The following PYGB variants were observed in gnomAD, a reference collection of about 807,000 sequenced individuals.
PYGB encodes the protein glycogen phosphorylase, brain form.
PYGB carries 82 observed loss-of-function variants against 94.3 expected under a neutral mutation model. The observed-to-expected ratio is 0.87, with a 90% CI of 0.73 to 1.04. The LOEUF (loss-of-function observed/expected upper bound fraction) is 1.04, where lower values mean the gene tolerates loss of function less well. Ranked by LOEUF, PYGB falls within the 50% of genes least tolerant of loss-of-function variation. PYGB has a pLI of 0.00. For synonymous variants in PYGB, 488 were observed against 479.1 expected (o/e 1.02, Z -0.24); for missense variants, 1,132 against 1,158.2 (o/e 0.98, Z 0.33).
chr20:25,276,459 CAG>C (rs1175376995), intron 5 of PYGB, among the ~76,000 whole-genome samples, 185 bp from the exon 6 acceptor site: 3 of 151,678 alleles, frequency 2.0e-5, no homozygotes, highest in Non-Finnish European at 4.4e-5. Flanking sequence ...GTGGGCACCA[CAG>C]GGGAGGGCGT....
In PYGB at chr20:25,248,275, A is replaced by T; in HGVS notation, c.97A>T (p.Asn33Tyr). The change falls in exon 1 of 20, where the codon AAC (asparagine) becomes TAC (tyrosine). Residue 33 changes from asparagine (N) to tyrosine (Y), a missense_variant. By Grantham distance (143) the Asn-to-Tyr change is moderately radical. Coordinates refer to ENST00000216962, the MANE Select transcript of PYGB (RefSeq NM_002862.4). ...CGTGGCCGAGGTGCGGAAGAGCTTC[A>T]ACCGGCACTTGCACTTCACGCTGGT... ...GDVAEVRKSF[N>Y]RHLHFTLVKD... The T allele has an allele frequency of 6.2e-7, 1 of 1,602,862 alleles. No homozygotes were observed. Among genetic ancestry groups the T allele is most frequent in the Non-Finnish European group, 8.5e-7 (1 of 1,175,236 alleles).
chr20:25,281,478 T>G (rs1178776927), intron 11 of PYGB, among the ~76,000 whole-genome samples: 1 of 152,198 alleles, frequency 6.6e-6, no homozygotes, highest in Non-Finnish European at 1.5e-5. Context: ...GATTCTTAGG[T>G]CAGATCTTGT....
At chr20:25,252,896 T>C (rs2092892202) in intron 1 of PYGB, among the ~76,000 whole-genome samples, 1 of 150,682 alleles carries the variant, frequency 6.6e-6, no homozygotes, top group Non-Finnish European at 1.5e-5. Flanking sequence ...GGCCTGAAAC[T>C]TCCAACCCTC....
At chr20:25,267,013 A>G (rs2088224341) in intron 2 of PYGB, among the ~76,000 whole-genome samples, 1 of 152,230 alleles carries the variant, frequency 6.6e-6, no homozygotes. Flanking sequence ...ATGAAAACAT[A>G]TGTCTACATG....
rs764751963 is a variant in PYGB at position 25,279,047 on chromosome 20, C to T, written c.1000-10C>T. On this transcript the variant is annotated splice_polypyrimidine_tract_variant and intron_variant, in intron 8 of 19. Coordinates refer to ENST00000216962, the MANE Select transcript of PYGB (RefSeq NM_002862.4). ...AAATGACTGAATGGCACCCCTTGTG[C>T]GACCTTCAGGTGGCCATCCAGCTGA... The T allele has an allele frequency of 8.1e-6, 13 of 1,605,272 alleles. No homozygotes were observed. Among genetic ancestry groups the T allele is most frequent in the Admixed American group, 3.4e-5 (2 of 59,700 alleles).
At chr20:25,296,311 GTTTTTAGCAGCCC>G (rs1167695693) in intron 19 of PYGB, 46 bp from the exon 20 acceptor site, 1 of 1,596,806 alleles carries the variant, frequency 6.3e-7, no homozygotes, top group Non-Finnish European at 8.6e-7. Context: ...GGAATCCCAT[GTTTTTAGCAGCCC>G]CAAGCCCTGT....
intron 2 of PYGB, among the ~76,000 whole-genome samples, chr20:25,268,520 A>G (rs2088239323): frequency 6.6e-6 from 1 of 152,156 alleles, no homozygotes; most frequent in African/African-American, 2.4e-5. Flanking sequence ...ATATCAATAT[A>G]TGTAATTCAA....
chr20:25,274,790 T>C, intron 5 of PYGB, 67 bp downstream of exon 5: 1 of 1,563,398 alleles, frequency 6.4e-7, no homozygotes, highest in South Asian at 1.2e-5. Flanking sequence ...GGCTCATTTG[T>C]AGACAGCTCA....
chr20:25,281,362 T>C (rs940487989), intron 11 of PYGB, among the ~76,000 whole-genome samples: 17 of 152,170 alleles, frequency 1.1e-4, no homozygotes, highest in African/African-American at 4.1e-4. Context: ...GACGGCTTTG[T>C]CTCCTGTTGC....
At chr20:25,280,509 C>T (rs559201249) in intron 10 of PYGB, 97 bp downstream of exon 10, 18 of 1,464,460 alleles carry the variant, frequency 1.2e-5, no homozygotes, top group East Asian at 4.5e-5. Flanking sequence ...GCTCCTTGAA[C>T]GAGGCACCCT....
chr20:25,282,068 TC>T lies in PYGB; in HGVS notation c.1441del (p.Gln481ArgfsTer33). 1 of 1,613,958 alleles carries T rather than the reference TC, an allele frequency of 6.2e-7. No individual in the cohort carries two copies. The highest frequency in any genetic ancestry group is 8.5e-7 in the Non-Finnish European group (1 of 1,179,950). The stretch of plus-strand genomic sequence containing the variant: ...TTTTATGAACTGGAGCCAGAGAAGT[TC>T]CAGAATAAGACCAATGGCATCACCC... ...KDFYELEPEK[F>X]QNKTNGITPR... On this transcript the variant is annotated frameshift_variant, in exon 12 of 20. Coordinates refer to ENST00000216962, the MANE Select transcript of PYGB (RefSeq NM_002862.4). LOFTEE classifies it high-confidence loss of function.
chr20:25,287,526 G>A (rs1185430173), intron 14 of PYGB, among the ~76,000 whole-genome samples: 1 of 152,144 alleles, frequency 6.6e-6, no homozygotes, highest in Non-Finnish European at 1.5e-5. Flanking sequence ...GTCGGTGCCT[G>A]TAGTCGCATC....
intron 18 of PYGB, chr20:25,294,646 T>TG: frequency 1.8e-6 from 1 of 554,142 alleles, no homozygotes; most frequent in Non-Finnish European, 3.2e-6. Context: ...CAAAACTCCC[T>TG]GGGGTGGGGT....
intron 3 of PYGB, among the ~76,000 whole-genome samples, chr20:25,269,552 G>T (rs956447620): frequency 1.3e-5 from 2 of 152,112 alleles, no homozygotes; most frequent in Admixed American, 1.3e-4. Flanking sequence ...TCTGAACGTG[G>T]CCCTGCTTGC....
chr20:25,248,336 T>C lies in PYGB; in HGVS notation c.158T>C (p.Phe53Ser). The C allele has an allele frequency of 6.2e-7, 1 of 1,603,550 alleles. No individual in the cohort carries two copies. Among genetic ancestry groups the C allele is most frequent in the Non-Finnish European group, 8.5e-7 (1 of 1,175,716 alleles). Residue 53 changes from phenylalanine to serine, a missense_variant, in exon 1 of 20, where the codon TTC becomes TCC. Physicochemically the swap from Phe to Ser is radical, Grantham distance 155 (BLOSUM62 -2). Transcript: ENST00000216962. ...DRNVATPRDY[F>S]FALAHTVRDH... ...AATGTGGCCACGCCCCGCGACTACTTCTTCGCGCTGGCGCACACGGTGCGC... is the reference window on the plus strand; with the variant it reads ...AATGTGGCCACGCCCCGCGACTACTCCTTCGCGCTGGCGCACACGGTGCGC...
intron 18 of PYGB, among the ~76,000 whole-genome samples, chr20:25,295,363 T>C (rs1395480366): frequency 6.6e-6 from 1 of 152,242 alleles, no homozygotes; most frequent in Non-Finnish European, 1.5e-5. Context: ...TAAAGGAGTG[T>C]TGGGTTGAAA....
chr20:25,271,372 G>T lies in PYGB; in HGVS notation c.425-11G>T, dbSNP rs765761007. ...CTTTGATTCTGACTGATTTGTGATT[G>T]ATTTTTTCAGCGTGTTTCCTTGACT... On this transcript the variant is annotated splice_polypyrimidine_tract_variant and intron_variant, in intron 3 of 19. Coordinates refer to ENST00000216962, the MANE Select transcript of PYGB (RefSeq NM_002862.4). The T allele has an allele frequency of 5.0e-6, 8 of 1,613,224 alleles. No individual in the cohort carries two copies. In the South Asian group the frequency reaches 8.8e-5, roughly 18 times the overall value.
intron 18 of PYGB, 122 bp downstream of exon 18, chr20:25,294,414 C>CA: frequency 7.9e-7 from 1 of 1,268,568 alleles, no homozygotes; most frequent in African/African-American, 1.5e-5. Context: ...ACGTCTTCTC[C>CA]ACTGTGCCCA....
rs2088552777 is a variant in PYGB, at chr20:25,296,715, A to G, written c.*193A>G. On this transcript the variant is annotated 3_prime_UTR_variant, in exon 20 of 20. Coordinates refer to ENST00000216962, the MANE Select transcript of PYGB (RefSeq NM_002862.4). ...GAAGGAATGTGCTAGAAGTGCTCCTAGTTTCTTGTAAAGGAAGCCAGAGTT... is the reference window on the plus strand; with the variant it reads ...GAAGGAATGTGCTAGAAGTGCTCCTGGTTTCTTGTAAAGGAAGCCAGAGTT... 3 of 745,734 alleles carry G rather than the reference A, an allele frequency of 4.0e-6. No individual in the cohort carries two copies. The Admixed American group carries it at 9.3e-5, about 23-fold the overall frequency. The allele number at this position is 745,734 out of a possible 1,614,324, so 46.2% of individuals were successfully genotyped here.
Sources: gnomAD v4.1 joint callset for allele counts (sites outside exome capture counted in the v4.1 genomes callset) on GRCh38, gnomAD v4.1.1 for gene constraint, MANE v1.5 for transcripts, NCBI Gene and HGNC (gene_info 2026-07-23, HGNC 2026-07-21) for gene names.